The following CIRSR variants were observed in gnomAD, a reference collection of about 807,000 sequenced individuals.
The protein encoded by CIRSR is CBF1 (RBPJ) interacting corepressor 1.
At chr2:174,377,034 G>A in the CIRSR span, among the ~76,000 whole-genome samples, 1 of 152,094 alleles carries the variant, frequency 6.6e-6, no homozygotes, top group Admixed American at 6.6e-5. Context: ...AGAAAGCACT[G>A]AGTCTGGAGT....
At chr2:174,392,505 G>A in the CIRSR span, among the ~76,000 whole-genome samples, 3 of 152,154 alleles carry the variant, frequency 2.0e-5, no homozygotes, top group Non-Finnish European at 4.4e-5. Flanking sequence ...ACTCAAGATT[G>A]GAGGCAGTAG....
chr2:174,385,837 G>A, the CIRSR span, among the ~76,000 whole-genome samples: 1 of 151,968 alleles, frequency 6.6e-6, no homozygotes, highest in Non-Finnish European at 1.5e-5. Flanking sequence ...TCCTTACAGA[G>A]GAATTCAAAT....
At chr2:174,384,939 G>A in the CIRSR span, among the ~76,000 whole-genome samples, 3 of 152,190 alleles carry the variant, frequency 2.0e-5, no homozygotes, top group South Asian at 6.2e-4. Context: ...GCTGGGCATG[G>A]CGGCTCATGC....
chr2:174,395,470 G>T, the CIRSR span: 1 of 1,356,780 alleles, frequency 7.4e-7, no homozygotes, highest in South Asian at 1.2e-5. Flanking sequence ...GGATCTCAGA[G>T]ACACCATCAC....
At chr2:174,350,396 A>G in the CIRSR span, among the ~76,000 whole-genome samples, 1 of 152,228 alleles carries the variant, frequency 6.6e-6, no homozygotes, top group Non-Finnish European at 1.5e-5. Context: ...TTGAAAAGTA[A>G]AAGCTATAAA....
At chr2:174,389,901 G>A in the CIRSR span, among the ~76,000 whole-genome samples, 1 of 152,248 alleles carries the variant, frequency 6.6e-6, no homozygotes, top group Non-Finnish European at 1.5e-5. Context: ...CAGAAGGCAA[G>A]AACTGAGGTT....
chr2:174,348,416 C>G, the CIRSR span: 2 of 1,517,638 alleles, frequency 1.3e-6, no homozygotes, highest in Admixed American at 4.5e-5. Context: ...TTACCCCTTG[C>G]TAAAGGTATT....
At chr2:174,351,502 T>G in the CIRSR span, 2 of 700,008 alleles carry the variant, frequency 2.9e-6, no homozygotes, top group Non-Finnish European at 4.5e-6. Flanking sequence ...GCATTTTCTT[T>G]GCTCTATCTT....
the CIRSR span, among the ~76,000 whole-genome samples, chr2:174,358,931 C>T: frequency 6.6e-6 from 1 of 151,636 alleles, no homozygotes; most frequent in East Asian, 2.0e-4. Context: ...AGGCTGGTCT[C>T]GAACTCCTGA....
the CIRSR span, among the ~76,000 whole-genome samples, chr2:174,363,794 G>T: frequency 6.6e-6 from 1 of 152,226 alleles, no homozygotes; most frequent in South Asian, 2.1e-4. Context: ...AACAGCATGG[G>T]AAAGACTTGA....
chr2:174,395,492 G>T, the CIRSR span: 1 of 1,515,736 alleles, frequency 6.6e-7, no homozygotes, highest in Non-Finnish European at 9.2e-7. Context: ...TTCACTTCCA[G>T]CAGCCTCTGG....
At chr2:174,370,530 C>A in the CIRSR span, among the ~76,000 whole-genome samples, 1 of 152,200 alleles carries the variant, frequency 6.6e-6, no homozygotes, top group Non-Finnish European at 1.5e-5. Flanking sequence ...GGTACCTATA[C>A]ACAAATTCTT....
At chr2:174,382,741 C>G in the CIRSR span, among the ~76,000 whole-genome samples, 1 of 152,014 alleles carries the variant, frequency 6.6e-6, no homozygotes, top group African/African-American at 2.4e-5. Context: ...TGTTTTAACA[C>G]TCAAAGTTCC....
chr2:174,370,197 T>C, the CIRSR span, among the ~76,000 whole-genome samples: 1 of 152,234 alleles, frequency 6.6e-6, no homozygotes, highest in Admixed American at 6.5e-5. Flanking sequence ...AGCTTTCCTA[T>C]ACAGTAACTG....
the CIRSR span, among the ~76,000 whole-genome samples, chr2:174,373,282 C>T: frequency 7.5e-6 from 1 of 134,076 alleles, no homozygotes; most frequent in Non-Finnish European, 1.6e-5. Context: ...TGGAAATTTC[C>T]CTAGCATCTT....
chr2:174,354,446 T>TAATATATATTATATAATATATATAA, the CIRSR span, among the ~76,000 whole-genome samples: 1 of 15,160 alleles, frequency 6.6e-5, no homozygotes, highest in Non-Finnish European at 2.0e-4. Context: ...ATATAATATA[T>TAATATATATTATATAATATATATAA]TATATAATAT....
the CIRSR span, chr2:174,395,534 C>A: frequency 6.2e-7 from 1 of 1,613,314 alleles, no homozygotes; most frequent in South Asian, 1.1e-5. Flanking sequence ...AATCCCTCCC[C>A]GGGTCTGTTT....
At chr2:174,388,210 T>C in the CIRSR span, among the ~76,000 whole-genome samples, 1 of 152,208 alleles carries the variant, frequency 6.6e-6, no homozygotes, top group Admixed American at 6.5e-5. Flanking sequence ...ACGAGTTCTT[T>C]TTATTTTTGA....
chr2:174,373,026 C>T, the CIRSR span, among the ~76,000 whole-genome samples: 1 of 152,172 alleles, frequency 6.6e-6, no homozygotes, highest in Non-Finnish European at 1.5e-5. Flanking sequence ...GCTCCCAAAT[C>T]GTCAATTGTT....
Sources: gnomAD v4.1 joint callset for allele counts (sites outside exome capture counted in the v4.1 genomes callset) on GRCh38, gnomAD v4.1.1 for gene constraint, MANE v1.5 for transcripts, NCBI Gene and HGNC (gene_info 2026-07-23, HGNC 2026-07-21) for gene names.